The following CFAP251 variants were observed in gnomAD, a reference collection of about 807,000 sequenced individuals.
The protein encoded by CFAP251 is cilia- and flagella-associated protein 251.
CFAP251 carries 93 observed loss-of-function variants against 126.7 expected under a neutral mutation model. The observed-to-expected ratio is 0.73, with a 90% CI of 0.62 to 0.87. The LOEUF (loss-of-function observed/expected upper bound fraction) is 0.87. Ranked by LOEUF, CFAP251 falls within the 40% of genes least tolerant of loss-of-function variation. The pLI is 0.00. For synonymous variants in CFAP251, 503 were observed against 506.9 expected, an observed-to-expected ratio of 0.99 and a Z score of 0.10; for missense variants, 1,287 against 1,389.2, an observed-to-expected ratio of 0.93 and a Z score of 1.17.
Position 121,948,988 on chromosome 12 carries a change from A to G in CFAP251, c.1196A>G (p.Tyr399Cys). ...TTTTCATACTTTATATTTCAGAACT[A>G]CGTTACTTTTAACCCAACAAATAAT... is the stretch of plus-strand genomic sequence containing the variant. ...ELPTEYGVQN[Y>C]VTFNPTNNKE... Residue 399 changes from tyrosine to cysteine, a missense_variant, in exon 8 of 22, where the codon TAC becomes TGC. By Grantham distance (194) the Tyr-to-Cys change is radical (BLOSUM62 -2). Coordinates refer to ENST00000288912, the MANE Select transcript of CFAP251 (RefSeq NM_144668.6). 1.3e-6 allele frequency: 2 copies of G among 1,560,100 alleles called. No individual in the cohort carries two copies. Among genetic ancestry groups the G allele is most frequent in the Non-Finnish European group, 1.7e-6 (2 of 1,146,630 alleles).
intron 17 of CFAP251, among the ~76,000 whole-genome samples, chr12:121,970,712 T>C (rs1400397048): frequency 6.6e-6 from 1 of 152,214 alleles, no homozygotes; most frequent in African/African-American, 2.4e-5. Flanking sequence ...GAGAAGGTCG[T>C]TGGGATCGCA....
intron 19 of CFAP251, among the ~76,000 whole-genome samples, chr12:121,986,158 T>G (rs1323862673): frequency 2.0e-5 from 3 of 151,682 alleles, no homozygotes; most frequent in African/African-American, 7.3e-5. Flanking sequence ...GCCCAGCTAA[T>G]TTTTTGTATC....
chr12:121,970,116 A>G (rs1185827231), intron 17 of CFAP251: 2 of 337,704 alleles, frequency 5.9e-6, no homozygotes, highest in Non-Finnish European at 8.4e-6. Context: ...CTCACATTCG[A>G]TCATTTCAGT....
chr12:121,942,429 T>C (rs1881158154), intron 5 of CFAP251, 105 bp from the exon 6 acceptor site: 1 of 666,332 alleles, frequency 1.5e-6, no homozygotes, highest in East Asian at 2.7e-5. Flanking sequence ...GACCACATTT[T>C]GTTCTGTTTT....
chr12:121,981,628 T>A (rs565877118), intron 19 of CFAP251, among the ~76,000 whole-genome samples: 5 of 152,338 alleles, frequency 3.3e-5, no homozygotes, highest in Admixed American at 6.5e-5. Flanking sequence ...GAGGTTCTCC[T>A]TCACAAGGCC....
intron 10 of CFAP251, among the ~76,000 whole-genome samples, chr12:121,954,665 A>AAC (rs1881663640): frequency 6.7e-6 from 1 of 148,440 alleles, no homozygotes; most frequent in Non-Finnish European, 1.5e-5. Context: ...AAAAAAAAAA[A>AAC]AAACCTCTTT....
chr12:121,976,753 C>A (rs925072093), intron 19 of CFAP251, among the ~76,000 whole-genome samples: 2 of 151,878 alleles, frequency 1.3e-5, no homozygotes, highest in South Asian at 2.1e-4. Context: ...CCCATCCCCC[C>A]CAAAAAATTG....
Position 122,001,761 on chromosome 12 carries a change from C to T in CFAP251, c.3337+163C>T, listed in dbSNP as rs866921107. 7.8e-5 allele frequency: 51 copies of T among 651,678 alleles called. 2 individuals are homozygous for T. In the Middle Eastern group the frequency reaches 2.4e-3, roughly 31 times the overall value. The allele number at this position is 651,678 out of a possible 1,614,324, so 40.4% of individuals were successfully genotyped here. A position where few individuals can be genotyped will look rare whatever the true frequency, so the allele number is the denominator to read the frequency against. Reference sequence around the variant, plus strand: ...CCACATGAATAAGTTATGAAAAGAACAGTGAGTGGTGGCTTTTGTTCCCGC... The same window carrying T: ...CCACATGAATAAGTTATGAAAAGAATAGTGAGTGGTGGCTTTTGTTCCCGC... On this transcript the variant is annotated intron_variant, in intron 21 of 21. Coordinates refer to ENST00000288912, the MANE Select transcript of CFAP251 (RefSeq NM_144668.6).
intron 19 of CFAP251, among the ~76,000 whole-genome samples, chr12:121,977,828 G>A (rs1053843072): frequency 3.3e-5 from 5 of 150,464 alleles, no homozygotes; most frequent in Admixed American, 2.6e-4. Context: ...GCGTGGTGGT[G>A]GGCGCCTGTA....
chr12:121,999,537 T>C (rs1883100810), intron 19 of CFAP251, 179 bp from the exon 20 acceptor site: 3 of 508,678 alleles, frequency 5.9e-6, no homozygotes. Flanking sequence ...GGTTTCACCA[T>C]GTTGGCCAGG....
chr12:121,961,019 G>A (rs1321368295), intron 14 of CFAP251, among the ~76,000 whole-genome samples: 2 of 152,192 alleles, frequency 1.3e-5, no homozygotes, highest in African/African-American at 4.8e-5. Context: ...GTTCCCCATA[G>A]CTTGGAAAGC....
At chr12:121,979,113 G>C (rs1473199698) in intron 19 of CFAP251, among the ~76,000 whole-genome samples, 1 of 152,032 alleles carries the variant, frequency 6.6e-6, no homozygotes, top group Non-Finnish European at 1.5e-5. Context: ...CACCTGTTTT[G>C]TGTGCTCCAG....
chr12:121,969,422 T>TG (rs1305823389), intron 17 of CFAP251: 1 of 985,274 alleles, frequency 1.0e-6, no homozygotes, highest in African/African-American at 1.7e-5. Context: ...CCTTGCTCCC[T>TG]GGCTTGTTGC....
chr12:122,002,003 G>A (rs540365818), intron 21 of CFAP251: 4 of 220,300 alleles, frequency 1.8e-5, no homozygotes, highest in Non-Finnish European at 2.8e-5. Context: ...CAGGAGAATC[G>A]CTTGAGGTTC....
intron 7 of CFAP251, among the ~76,000 whole-genome samples, chr12:121,944,742 C>T (rs1881251488): frequency 6.6e-6 from 1 of 152,084 alleles, no homozygotes. Flanking sequence ...ACCTTGCAAC[C>T]TTGCTGAGTA....
chr12:121,982,707 C>T (rs1287048397), intron 19 of CFAP251, among the ~76,000 whole-genome samples: 1 of 152,096 alleles, frequency 6.6e-6, no homozygotes, highest in East Asian at 1.9e-4. Flanking sequence ...CCTGGGCTGT[C>T]CTGCTTTGTT....
chr12:121,969,038 G>C, intron 17 of CFAP251: 1 of 985,254 alleles, frequency 1.0e-6, no homozygotes. Context: ...CCAAGCCCCT[G>C]CGCTGCCTGT....
At chr12:121,973,453 G>A (rs990061511) in intron 17 of CFAP251, among the ~76,000 whole-genome samples, 1 of 152,200 alleles carries the variant, frequency 6.6e-6, no homozygotes, top group Non-Finnish European at 1.5e-5. Context: ...GCACTGCCTA[G>A]TGGAGCTGTG....
intron 15 of CFAP251, among the ~76,000 whole-genome samples, chr12:121,964,547 G>A (rs992437239): frequency 6.6e-6 from 1 of 152,214 alleles, no homozygotes; most frequent in African/African-American, 2.4e-5. Flanking sequence ...TCTGAAATTA[G>A]CATAAAGCAT....
Sources: gnomAD v4.1 joint callset for allele counts (sites outside exome capture counted in the v4.1 genomes callset) on GRCh38, gnomAD v4.1.1 for gene constraint, MANE v1.5 for transcripts, NCBI Gene and HGNC (gene_info 2026-07-23, HGNC 2026-07-21) for gene names.